NRXN3: variants seen among roughly 807,000 people sequenced by gnomAD.
The protein encoded by NRXN3 is neurexin 3.
Under a neutral mutation model 137.6 loss-of-function variants are expected in NRXN3, and 32 were observed. The ratio of observed to expected loss-of-function variants is 0.23; its 90% CI spans 0.18 to 0.31. The LOEUF (loss-of-function observed/expected upper bound fraction) is 0.31. NRXN3 is among the 10% of genes least tolerant of loss of function. The pLI is 1.00. For missense variants in NRXN3, 1,574 were observed against 2,062.5 expected (o/e 0.76, Z 4.59); for synonymous variants, 798 against 784.5 (o/e 1.02, Z -0.29).
intron 4 of NRXN3, among the ~76,000 whole-genome samples, chr14:78,601,626 G>A (rs750301325): frequency 6.6e-6 from 1 of 151,766 alleles, no homozygotes; most frequent in African/African-American, 2.4e-5. Flanking sequence ...CTAATTTTTT[G>A]TATATTTTTA....
At chr14:79,294,400 C>G (rs2083689506) in intron 15 of NRXN3, among the ~76,000 whole-genome samples, 2 of 152,264 alleles carry the variant, frequency 1.3e-5, no homozygotes, top group Admixed American at 6.5e-5. Flanking sequence ...GTAGTTTGGG[C>G]ATATCCCTCT....
At chr14:79,498,596 T>C (rs1313983224) in intron 16 of NRXN3, among the ~76,000 whole-genome samples, 2 of 152,208 alleles carry the variant, frequency 1.3e-5, no homozygotes, top group Admixed American at 6.5e-5. Context: ...CCTTTCCTCA[T>C]GCCCACAGTT....
At chr14:79,215,675 T>C (rs1379809983) in intron 15 of NRXN3, among the ~76,000 whole-genome samples, 1 of 152,028 alleles carries the variant, frequency 6.6e-6, no homozygotes, top group African/African-American at 2.4e-5. Flanking sequence ...TATTCAGTTA[T>C]CTCCCACTGA....
intron 10 of NRXN3, among the ~76,000 whole-genome samples, chr14:78,897,585 G>C (rs907977560): frequency 6.6e-6 from 1 of 151,880 alleles, no homozygotes; most frequent in African/African-American, 2.4e-5. Flanking sequence ...ACAGGATCTT[G>C]ATGGACTCTG....
intron 1 of NRXN3, among the ~76,000 whole-genome samples, chr14:78,235,883 A>G (rs962890580): frequency 6.6e-6 from 1 of 152,202 alleles, no homozygotes; most frequent in African/African-American, 2.4e-5. Context: ...AGAGAGGACT[A>G]GGGTATAGAG....
rs966185440 is a variant in NRXN3, at chr14:78,710,535, A to T, written c.1660+880A>T. ...TTTGCCATTTCAGACTCATTTCCTG[A>T]TTCTCCATTTAGGTAGGATGTACTC... On this transcript the variant is annotated intron_variant, in intron 7 of 20. Coordinates refer to ENST00000335750, the MANE Select transcript of NRXN3 (RefSeq NM_001330195.2). Among the ~76,000 whole-genome samples, 6 of 152,238 alleles carry T rather than the reference A, an allele frequency of 3.9e-5. No homozygotes were observed. The East Asian group carries it at 1.2e-3, about 29-fold the overall frequency.
chr14:79,017,902 T>C (rs561712834), intron 15 of NRXN3, among the ~76,000 whole-genome samples: 1 of 152,164 alleles, frequency 6.6e-6, no homozygotes, highest in Admixed American at 6.5e-5. Flanking sequence ...TCAGGAGTCC[T>C]TATCAAAGGG....
chr14:79,378,882 A>G (rs1341722828), intron 15 of NRXN3, among the ~76,000 whole-genome samples: 2 of 152,038 alleles, frequency 1.3e-5, no homozygotes, highest in African/African-American at 4.8e-5. Flanking sequence ...GATTTAAAAA[A>G]AAAAAAAAAC....
intron 10 of NRXN3, among the ~76,000 whole-genome samples, chr14:78,904,982 A>G (rs1034046087): frequency 2.6e-5 from 4 of 151,914 alleles, no homozygotes; most frequent in South Asian, 2.1e-4. Flanking sequence ...TTTCAACATG[A>G]TCCTGCACAA....
intron 4 of NRXN3, among the ~76,000 whole-genome samples, chr14:78,489,467 T>C (rs2095624241): frequency 6.6e-6 from 1 of 152,088 alleles, no homozygotes; most frequent in Admixed American, 6.5e-5. Context: ...AAGTATGTTG[T>C]ATGCAGCTAG....
chr14:79,420,667 T>C (rs947115934), intron 15 of NRXN3, among the ~76,000 whole-genome samples: 35 of 152,204 alleles, frequency 2.3e-4, no homozygotes, highest in Middle Eastern at 6.8e-3. Context: ...AAAAAACACA[T>C]GGTGGCAAAA....
intron 15 of NRXN3, among the ~76,000 whole-genome samples, chr14:79,146,533 G>C (rs1274772772): frequency 6.6e-6 from 1 of 152,056 alleles, no homozygotes; most frequent in Non-Finnish European, 1.5e-5. Flanking sequence ...CTGGAGTGTA[G>C]AGTTGTCAGG....
chr14:79,294,549 A>C (rs562061925), intron 15 of NRXN3, among the ~76,000 whole-genome samples: 3 of 152,284 alleles, frequency 2.0e-5, no homozygotes, highest in African/African-American at 7.2e-5. Context: ...AAGCTGATGT[A>C]ATCAAAACCA....
intron 8 of NRXN3, among the ~76,000 whole-genome samples, chr14:78,729,652 ATACCC>A (rs1443858278): frequency 6.6e-6 from 1 of 152,200 alleles, no homozygotes; most frequent in Non-Finnish European, 1.5e-5. Context: ...GGGCTGCAAA[ATACCC>A]TAACTCATAC....
intron 6 of NRXN3, among the ~76,000 whole-genome samples, chr14:78,684,734 C>T (rs1164842253): frequency 6.6e-6 from 1 of 152,180 alleles, no homozygotes; most frequent in Non-Finnish European, 1.5e-5. Flanking sequence ...TTCGAGGCTG[C>T]AGTGACCCAT....
chr14:79,699,225 C>T (rs1372409322), intron 19 of NRXN3, among the ~76,000 whole-genome samples: 1 of 151,940 alleles, frequency 6.6e-6, no homozygotes, highest in Non-Finnish European at 1.5e-5. Context: ...TGATATTAAA[C>T]CAATAACTCC....
intron 16 of NRXN3, among the ~76,000 whole-genome samples, chr14:79,649,748 T>A (rs2153970049): frequency 6.6e-6 from 1 of 152,336 alleles, no homozygotes; most frequent in East Asian, 1.9e-4. Flanking sequence ...TTTATACCAA[T>A]AGTTTCAATC....
At chr14:78,617,879 G>T (rs796347960) in intron 4 of NRXN3, among the ~76,000 whole-genome samples, 8 of 149,288 alleles carry the variant, frequency 5.4e-5, no homozygotes, top group African/African-American at 1.7e-4. Context: ...TATTAGCTTG[G>T]TGCAAAAGTA....
At chr14:79,669,804 G>T (rs1216737808) in intron 17 of NRXN3, among the ~76,000 whole-genome samples, 1 of 152,030 alleles carries the variant, frequency 6.6e-6, no homozygotes, top group Non-Finnish European at 1.5e-5. Context: ...TGCAAAATCA[G>T]ATCCCCCAGT....
Sources: gnomAD v4.1 joint callset for allele counts (sites outside exome capture counted in the v4.1 genomes callset) on GRCh38, gnomAD v4.1.1 for gene constraint, MANE v1.5 for transcripts, NCBI Gene and HGNC (gene_info 2026-07-23, HGNC 2026-07-21) for gene names.